Variants in KDM4C observed in about 807,000 individuals in gnomAD.
The protein encoded by KDM4C is lysine-specific demethylase 4C.
A neutral mutation model predicts 129.3 loss-of-function variants in KDM4C; 81 were observed. The ratio of observed to expected loss-of-function variants is 0.63; its 90% CI spans 0.52 to 0.75. The LOEUF is 0.75. KDM4C is among the 30% of genes least tolerant of loss of function. The pLI is 0.00. For synonymous variants in KDM4C, 573 were observed against 456.1 expected (o/e 1.26, Z -3.26); for missense variants, 1,457 against 1,304.0 (o/e 1.12, Z -1.81).
At chr9:7,087,776 A>G (rs1416704738) in intron 17 of KDM4C, among the ~76,000 whole-genome samples, 1 of 152,230 alleles carries the variant, frequency 6.6e-6, no homozygotes, top group Non-Finnish European at 1.5e-5. Flanking sequence ...AATGGTATTT[A>G]GAGATACATG....
Position 7,174,950 on chromosome 9 carries a change from G to A in KDM4C, c.*221G>A, listed in dbSNP as rs1033804498. ...ATCATCTCTAGTCTTGCTTTCACTT[G>A]TGAGCAGTTGTCTTCTATGATCCCA... On this transcript the variant is annotated 3_prime_UTR_variant, in exon 22 of 22. Transcript: ENST00000381309. 9.1e-6 allele frequency: 4 copies of A among 440,920 alleles called. No individual in the cohort carries two copies. In the Admixed American group the frequency reaches 1.4e-4, roughly 15 times the overall value. 27.3% of individuals were successfully genotyped at this position (440,920 alleles called of 1,614,324 possible).
intron 15 of KDM4C, among the ~76,000 whole-genome samples, chr9:7,040,936 GA>G (rs1283126186): frequency 8.6e-5 from 13 of 151,410 alleles, no homozygotes; most frequent in Non-Finnish European, 1.9e-4. Context: ...ATCAGTTGTG[GA>G]AAATTTTCTG....
chr9:6,842,156 G>C (rs913572413), intron 4 of KDM4C, among the ~76,000 whole-genome samples: 2 of 152,098 alleles, frequency 1.3e-5, no homozygotes, highest in African/African-American at 4.8e-5. Context: ...TTTTAAAGCA[G>C]TAAGCTCACA....
intron 1 of KDM4C, among the ~76,000 whole-genome samples, chr9:6,782,348 C>G (rs117957362): frequency 2.6e-3 from 399 of 152,280 alleles, no homozygotes; most frequent in Non-Finnish European, 4.5e-3. Flanking sequence ...AATAGCAAAG[C>G]AGTTATGAGT....
intron 5 of KDM4C, among the ~76,000 whole-genome samples, chr9:6,862,750 T>A (rs1479119045): frequency 2.0e-5 from 3 of 152,122 alleles, no homozygotes; most frequent in Non-Finnish European, 4.4e-5. Context: ...GAGGATGCAG[T>A]GAGCCGAGAT....
chr9:6,810,921 G>T (rs140459479), intron 3 of KDM4C, among the ~76,000 whole-genome samples: 5 of 152,064 alleles, frequency 3.3e-5, no homozygotes, highest in African/African-American at 1.2e-4. Context: ...TTTTGATTTG[G>T]ACTAGTTTCA....
At chr9:7,076,660 A>C in intron 17 of KDM4C, 1 of 1,306,706 alleles carries the variant, frequency 7.7e-7, no homozygotes, top group Non-Finnish European at 9.7e-7. Flanking sequence ...TGTATCTGTC[A>C]TTTTCCTCTG....
At chr9:7,009,817 T>C (rs1171626690) in intron 12 of KDM4C, among the ~76,000 whole-genome samples, 1 of 152,234 alleles carries the variant, frequency 6.6e-6, no homozygotes, top group Non-Finnish European at 1.5e-5. Flanking sequence ...TTGGTTTGAA[T>C]TGTTTGACTC....
chr9:6,729,204 C>CAAAAAAAA (rs1186478804), intron 1 of KDM4C, among the ~76,000 whole-genome samples: 6 of 32,096 alleles, frequency 1.9e-4, no homozygotes, highest in African/African-American at 6.3e-4. Flanking sequence ...GCTCCGTCTC[C>CAAAAAAAA]AAAAAAAAAA....
intron 19 of KDM4C, among the ~76,000 whole-genome samples, chr9:7,150,629 A>G (rs995099135): frequency 2.0e-5 from 3 of 152,132 alleles, no homozygotes; most frequent in Admixed American, 1.3e-4. Flanking sequence ...AGAATCTCTT[A>G]CCAGTGGGTT....
At chr9:6,787,045 C>G (rs1452937033) in intron 1 of KDM4C, among the ~76,000 whole-genome samples, 2 of 152,098 alleles carry the variant, frequency 1.3e-5, no homozygotes, top group African/African-American at 4.8e-5. Context: ...GGTCTTTAAT[C>G]TATGTATCTG....
intron 5 of KDM4C, among the ~76,000 whole-genome samples, chr9:6,851,467 G>A (rs1165078669): frequency 6.6e-6 from 1 of 152,110 alleles, no homozygotes; most frequent in East Asian, 1.9e-4. Flanking sequence ...CAGCTGCTTT[G>A]TTATCTTGAT....
intron 18 of KDM4C, among the ~76,000 whole-genome samples, chr9:7,126,824 A>G (rs1017759451): frequency 1.2e-4 from 18 of 152,112 alleles, no homozygotes; most frequent in African/African-American, 4.1e-4. Flanking sequence ...GAAACATCTT[A>G]TCAGACAAGA....
At chr9:7,130,224 A>C (rs534171211) in intron 19 of KDM4C, among the ~76,000 whole-genome samples, 66 of 152,364 alleles carry the variant, frequency 4.3e-4, no homozygotes, top group African/African-American at 1.3e-3. Flanking sequence ...ACTTCTGAGC[A>C]CTAATTTCAA....
At chr9:6,906,098 A>G (rs1818261063) in intron 8 of KDM4C, among the ~76,000 whole-genome samples, 1 of 152,128 alleles carries the variant, frequency 6.6e-6, no homozygotes, top group South Asian at 2.1e-4. Context: ...TGAGGTTGGA[A>G]AGTATACAGA....
chr9:7,146,856 G>C (rs1220689849), intron 19 of KDM4C, among the ~76,000 whole-genome samples: 1 of 152,200 alleles, frequency 6.6e-6, no homozygotes, highest in Non-Finnish European at 1.5e-5. Flanking sequence ...GTCCTCTGTA[G>C]TTCTGTGTTC....
At chr9:6,798,582 A>G (rs1414736480) in intron 2 of KDM4C, among the ~76,000 whole-genome samples, 2 of 152,194 alleles carry the variant, frequency 1.3e-5, no homozygotes, top group Non-Finnish European at 2.9e-5. Flanking sequence ...ACAGGATCCC[A>G]AGGCAGAAGA....
At chr9:6,791,181 G>A (rs1311990154) in intron 1 of KDM4C, among the ~76,000 whole-genome samples, 4 of 152,070 alleles carry the variant, frequency 2.6e-5, no homozygotes, top group African/African-American at 7.2e-5. Context: ...GCATGATCTC[G>A]GCTTACTGCA....
intron 5 of KDM4C, among the ~76,000 whole-genome samples, chr9:6,859,367 C>G (rs985435906): frequency 1.3e-4 from 19 of 148,198 alleles, no homozygotes; most frequent in African/African-American, 4.2e-4. Context: ...CCCAGCTACT[C>G]GGGAGGCTGA....
Sources: gnomAD v4.1 joint callset for allele counts (sites outside exome capture counted in the v4.1 genomes callset) on GRCh38, gnomAD v4.1.1 for gene constraint, MANE v1.5 for transcripts, NCBI Gene and HGNC (gene_info 2026-07-23, HGNC 2026-07-21) for gene names.